The following PACC1 variants were observed in gnomAD, a reference collection of about 807,000 sequenced individuals.
PACC1 encodes the protein proton activated chloride channel 1, also known as proton-activated chloride channel.
A neutral mutation model predicts 39.7 loss-of-function variants in PACC1; 34 were observed. That is an observed-to-expected ratio of 0.86 (90% confidence interval 0.65 to 1.14). PACC1 has a LOEUF of 1.14. Ranked by LOEUF, PACC1 falls within the 50% of genes most tolerant of loss-of-function variation. The pLI is 0.00. For synonymous variants in PACC1, 127 were observed against 160.6 expected (o/e 0.79, Z 1.58); for missense variants, 379 against 436.4 (o/e 0.87, Z 1.17).
chr1:212,390,996 G>A (rs556297971), intron 2 of PACC1, among the ~76,000 whole-genome samples: 18 of 151,714 alleles, frequency 1.2e-4, no homozygotes, highest in Admixed American at 1.1e-3. Context: ...GCCTGCCTCT[G>A]TAGGCTCCAC....
intron 2 of PACC1, among the ~76,000 whole-genome samples, chr1:212,396,418 C>T (rs1475855297): frequency 6.6e-6 from 1 of 151,942 alleles, no homozygotes; most frequent in African/African-American, 2.4e-5. Flanking sequence ...AGGGGAACAT[C>T]ACACACCGGG....
At chr1:212,409,745 C>T (rs1265086838) in intron 2 of PACC1, among the ~76,000 whole-genome samples, 1 of 152,136 alleles carries the variant, frequency 6.6e-6, no homozygotes, top group African/African-American at 2.4e-5. Context: ...TGTAGGTAAC[C>T]TCTGGGCTAG....
chr1:212,414,691 A>C (rs920341502), intron 1 of PACC1, 31 bp downstream of exon 1: 1 of 1,612,874 alleles, frequency 6.2e-7, no homozygotes, highest in South Asian at 1.1e-5. Flanking sequence ...CTCCGCCTCA[A>C]ACTTCCCTTC....
chr1:212,410,658 T>C, intron 1 of PACC1, 137 bp from the exon 2 acceptor site: 1 of 786,776 alleles, frequency 1.3e-6, no homozygotes, highest in Non-Finnish European at 2.2e-6. Context: ...GTTACAGCAA[T>C]TTTACAGATG....
intron 2 of PACC1, among the ~76,000 whole-genome samples, chr1:212,397,416 T>C (rs72754328): frequency 0.029 from 4,458 of 152,332 alleles, 102 homozygotes; most frequent in Middle Eastern, 0.058. Context: ...CCCAACCATA[T>C]GCTTTGATAG....
At chr1:212,388,166 A>C (rs999595646) in intron 2 of PACC1, among the ~76,000 whole-genome samples, 13 of 151,994 alleles carry the variant, frequency 8.6e-5, no homozygotes, top group African/African-American at 2.9e-4. Flanking sequence ...GGAGCCCTGT[A>C]CGTCCCCTAC....
intron 2 of PACC1, among the ~76,000 whole-genome samples, chr1:212,402,293 G>T (rs761921845): frequency 1.4e-4 from 22 of 152,142 alleles, no homozygotes; most frequent in Non-Finnish European, 2.4e-4. Context: ...AACGTATGGG[G>T]GTTCCAATCT....
rs1358269203 is a variant in PACC1 at position 212,368,627 on chromosome 1, CAGA to C, written c.892-3254_892-3252del. On this transcript the variant is annotated intron_variant, in intron 7 of 7. Transcript: ENST00000261455. ...AGAGTGCCTCACAGAATTGATCAAG[CAGA>C]AGAATTAGTGAGCTTAAAGACAAAT... is the stretch of plus-strand genomic sequence containing the variant. Among the ~76,000 whole-genome samples the C allele has an allele frequency of 4.6e-5, 7 of 151,552 alleles. No individual in the cohort carries two copies. In the South Asian group the frequency reaches 1.0e-3, roughly 23 times the overall value.
In PACC1 at chr1:212,414,812, A is replaced by T; in HGVS notation, c.-55T>A. 1 of 1,603,930 alleles carries T rather than the reference A, an allele frequency of 6.2e-7. No homozygotes were observed. The highest frequency in any genetic ancestry group is 8.5e-7 in the Non-Finnish European group (1 of 1,172,112). On this transcript the variant is annotated 5_prime_UTR_variant, in exon 1 of 8. Transcript: ENST00000261455. ...GACCGCCCCAGCCCGCGGCGCACGG[A>T]CGCAGCACTGCGGCCGCTGCACCTG...
intron 5 of PACC1, among the ~76,000 whole-genome samples, chr1:212,379,145 A>G (rs530006634): frequency 2.9e-4 from 44 of 152,026 alleles, no homozygotes; most frequent in South Asian, 1.0e-3. Flanking sequence ...GGGTTTCACC[A>G]TGTTAGCCAG....
chr1:212,401,013 A>T (rs1661690480), intron 2 of PACC1, among the ~76,000 whole-genome samples: 1 of 152,116 alleles, frequency 6.6e-6, no homozygotes, highest in African/African-American at 2.4e-5. Context: ...AGGCATTCTG[A>T]ATTTTTTGCC....
chr1:212,387,424 A>G (rs1661144027), intron 2 of PACC1, among the ~76,000 whole-genome samples: 1 of 152,204 alleles, frequency 6.6e-6, no homozygotes, highest in South Asian at 2.1e-4. Context: ...AAGAACAGAA[A>G]AAAGGAGTTT....
At chr1:212,391,438 T>C (rs1661317015) in intron 2 of PACC1, among the ~76,000 whole-genome samples, 1 of 152,164 alleles carries the variant, frequency 6.6e-6, no homozygotes, top group Admixed American at 6.5e-5. Flanking sequence ...AAACCCCATC[T>C]GTACATCACT....
intron 1 of PACC1, chr1:212,414,219 C>A: frequency 2.2e-6 from 2 of 912,430 alleles, no homozygotes; most frequent in Non-Finnish European, 3.1e-6. Context: ...AGGTGGTCAC[C>A]AAAAAACAGG....
rs1271475463 is a variant in PACC1, at chr1:212,379,986, C to G, written c.547G>C (p.Val183Leu). The G allele has an allele frequency of 6.2e-7, 1 of 1,614,072 alleles. No individual in the cohort carries two copies. The highest frequency in any genetic ancestry group is 1.3e-5 in the African/African-American group (1 of 74,934). Residue 183 changes from valine (V) to leucine (L), a missense_variant, in exon 5 of 8, where the codon GTC (valine) becomes CTC (leucine). Transcript: ENST00000261455. ...GPREVKKREL[V>L]FLQFRLNKSS... ...TTGTTCAGGCGGAACTGGAGGAAGACCAGCTCCCGCTTTTTCACTTCCCGG... is the reference window on the plus strand; with the variant it reads ...TTGTTCAGGCGGAACTGGAGGAAGAGCAGCTCCCGCTTTTTCACTTCCCGG...
intron 5 of PACC1, 117 bp from the exon 6 acceptor site, chr1:212,377,823 T>C: frequency 8.5e-7 from 1 of 1,180,204 alleles, no homozygotes; most frequent in Non-Finnish European, 1.2e-6. Context: ...GCCCACTCCC[T>C]GCCTCCTCTC....
In PACC1 at chr1:212,365,297, GC is replaced by G. The variant is rs772524769; in HGVS notation, c.970del (p.Ala324ProfsTer3). ...FLALFKAAEF[A>X]KLSIKWMIKI... ...GATCATCCATTTTATACTCAGTTTG[GC>G]AAACTCTGCTGCTTTAAATAATGCC... On this transcript the variant is annotated frameshift_variant, in exon 8 of 8. Coordinates refer to ENST00000261455, the MANE Select transcript of PACC1 (RefSeq NM_018252.3). LOFTEE classifies it high-confidence loss of function. 1 of 1,613,244 alleles carries G rather than the reference GC, an allele frequency of 6.2e-7. No individual in the cohort carries two copies. The highest frequency in any genetic ancestry group is 8.5e-7 in the Non-Finnish European group (1 of 1,179,716).
chr1:212,394,126 CACA>C (rs530308450), intron 2 of PACC1, among the ~76,000 whole-genome samples: 417 of 152,256 alleles, frequency 2.7e-3, no homozygotes, highest in Middle Eastern at 0.017. Flanking sequence ...CTGGCAGAGA[CACA>C]ACAACAAAAG....
In PACC1 at chr1:212,386,984, G is replaced by A; in HGVS notation, c.250C>T (p.Leu84=). The A allele has an allele frequency of 6.2e-7, 1 of 1,614,226 alleles. No individual in the cohort carries two copies. The highest frequency in any genetic ancestry group is 8.5e-7 in the Non-Finnish European group (1 of 1,180,036). ...AAGTCTGTGATGGTCCGGTAGACCA[G>A]GAAGACGGCCACAGCCATGAGCAGC... ...YLLLMAVAVF[L]VYRTITDFRE... is the part of the protein sequence containing the mutation. Residue 84 remains leucine (L), a synonymous_variant, in exon 3 of 8, where the codon CTG becomes TTG. Coordinates refer to ENST00000261455, the MANE Select transcript of PACC1 (RefSeq NM_018252.3). This position sits in a 1 kb window ranked among gnomAD's most constrained non-coding sequence, Gnocchi z 5.0.
Sources: gnomAD v4.1 joint callset for allele counts (sites outside exome capture counted in the v4.1 genomes callset) on GRCh38, gnomAD v4.1.1 for gene constraint, Gnocchi (gnomAD v3.1) non-coding constraint, MANE v1.5 for transcripts, NCBI Gene and HGNC (gene_info 2026-07-23, HGNC 2026-07-21) for gene names.